AUTS2: variants seen among roughly 807,000 people sequenced by gnomAD.
AUTS2 encodes the protein activator of transcription and developmental regulator AUTS2.
A neutral mutation model predicts 112.4 loss-of-function variants in AUTS2; 17 were observed. The ratio of observed to expected loss-of-function variants is 0.15; its 90% CI spans 0.10 to 0.23. The LOEUF is 0.23. Among genes scored for constraint, AUTS2 ranks in the 10% least tolerant of loss-of-function variants. The pLI is 1.00. For missense variants in AUTS2, 1,510 were observed against 1,701.6 expected, an observed-to-expected ratio of 0.89 and a Z score of 1.98; for synonymous variants, 751 against 702.7, an observed-to-expected ratio of 1.07 and a Z score of -1.09.
chr7:70,110,964 C>T (rs956572487), intron 2 of AUTS2, among the ~76,000 whole-genome samples: 3 of 150,348 alleles, frequency 2.0e-5, no homozygotes, highest in Non-Finnish European at 4.4e-5. Context: ...CTCCGCCTCC[C>T]GGGTTCAGGC....
At chr7:69,896,710 C>G (rs1794756494) in intron 1 of AUTS2, among the ~76,000 whole-genome samples, 1 of 152,090 alleles carries the variant, frequency 6.6e-6, no homozygotes, top group South Asian at 2.1e-4. Flanking sequence ...TACTATTTGC[C>G]TGGTTTATGT....
At chr7:70,073,174 G>T (rs548434754) in intron 2 of AUTS2, among the ~76,000 whole-genome samples, 1 of 150,924 alleles carries the variant, frequency 6.6e-6, no homozygotes, top group African/African-American at 2.4e-5. Flanking sequence ...TGCCCAAAAG[G>T]TTCTAGCCAG....
chr7:70,147,890 G>A (rs1445447171), intron 4 of AUTS2, among the ~76,000 whole-genome samples: 1 of 151,698 alleles, frequency 6.6e-6, no homozygotes, highest in Non-Finnish European at 1.5e-5. Flanking sequence ...TCTGTCACCG[G>A]CAGTACCTGT....
intron 5 of AUTS2, among the ~76,000 whole-genome samples, chr7:70,689,775 C>CAA (rs60869776): frequency 1.1e-3 from 82 of 74,472 alleles, no homozygotes; most frequent in East Asian, 1.8e-3. Flanking sequence ...GACTCCGTCT[C>CAA]AAAAAAAAAA....
intron 2 of AUTS2, among the ~76,000 whole-genome samples, chr7:70,117,117 GT>G (rs60488343): frequency 0.037 from 2,726 of 73,060 alleles, 147 homozygotes; most frequent in African/African-American, 0.097. Context: ...TTTTTTTTTT[GT>G]TTTTTTTTGT....
rs1421236397 is a variant in AUTS2 at position 70,790,837 on chromosome 7, C to A, written c.3621C>A (p.Leu1207=). 4 of 1,607,368 alleles carry A rather than the reference C, an allele frequency of 2.5e-6. No individual in the cohort carries two copies. Among genetic ancestry groups the A allele is most frequent in the Non-Finnish European group, 3.4e-6 (4 of 1,176,424 alleles). ...CCACCGCGGGCAACCAGAACGGACT[C>A]CTCAACAAGACCCCTCCGACAGCAG... ...ISPTAGNQNG[L]LNKTPPTAAL... The change falls in exon 19 of 19, where the codon CTC becomes CTA. Residue 1207 remains leucine (L), a synonymous_variant. Transcript: ENST00000342771. This position sits in a 1 kb window ranked among gnomAD's most constrained non-coding sequence, Gnocchi z 7.6.
At chr7:70,379,949 G>A (rs1194562468) in intron 4 of AUTS2, among the ~76,000 whole-genome samples, 5 of 152,134 alleles carry the variant, frequency 3.3e-5, no homozygotes, top group African/African-American at 7.2e-5. Context: ...AAAATATTTC[G>A]ATCAGGTGCA....
intron 2 of AUTS2, among the ~76,000 whole-genome samples, chr7:69,975,529 CTG>C (rs1798019195): frequency 6.6e-6 from 1 of 151,976 alleles, no homozygotes; most frequent in South Asian, 2.1e-4. Context: ...ACCTGATACT[CTG>C]TTTTTTGTTG....
At chr7:70,604,866 C>G (rs1803650114) in intron 5 of AUTS2, among the ~76,000 whole-genome samples, 1 of 152,144 alleles carries the variant, frequency 6.6e-6, no homozygotes, top group Non-Finnish European at 1.5e-5. Flanking sequence ...GAGACTTAAC[C>G]CAGGAGTTTC....
intron 4 of AUTS2, chr7:70,194,910 C>CA (rs1456512457): frequency 6.6e-6 from 1 of 152,116 alleles, no homozygotes; most frequent in Non-Finnish European, 1.5e-5. Context: ...GGTGTTATCT[C>CA]AGACAGCACA....
At chr7:70,604,489 C>T (rs1183306299) in intron 5 of AUTS2, among the ~76,000 whole-genome samples, 1 of 152,248 alleles carries the variant, frequency 6.6e-6, no homozygotes, top group East Asian at 1.9e-4. Context: ...CAATGATCAA[C>T]ATGCTGTTGA....
intron 2 of AUTS2, among the ~76,000 whole-genome samples, chr7:69,948,773 CATTTATTTATTT>C (rs36128585): frequency 0.082 from 12,011 of 147,064 alleles, 603 homozygotes; most frequent in African/African-American, 0.12. Flanking sequence ...AATTTTCTTT[CATTTATTTATTT>C]ATTTATTTAT....
chr7:70,139,915 C>G (rs538266111), intron 4 of AUTS2, among the ~76,000 whole-genome samples: 1 of 152,098 alleles, frequency 6.6e-6, no homozygotes. Context: ...GCAGGAGAAT[C>G]ACTTGAACCT....
intron 6 of AUTS2, among the ~76,000 whole-genome samples, chr7:70,746,096 C>A (rs2129554734): frequency 6.6e-6 from 1 of 152,282 alleles, no homozygotes; most frequent in South Asian, 2.1e-4. Flanking sequence ...AGAAATCATT[C>A]CTCAAAAAAG....
intron 2 of AUTS2, among the ~76,000 whole-genome samples, chr7:70,091,614 T>A (rs925524334): frequency 1.3e-5 from 2 of 152,184 alleles, no homozygotes. Flanking sequence ...GGAAGCCAGG[T>A]ACTAAACCAC....
intron 6 of AUTS2, among the ~76,000 whole-genome samples, chr7:70,713,801 C>G (rs983312070): frequency 1.3e-5 from 2 of 151,858 alleles, no homozygotes; most frequent in Non-Finnish European, 2.9e-5. Flanking sequence ...GAGGCTGAGG[C>G]AGGAGAATGG....
At chr7:70,056,300 T>C (rs1038430994) in intron 2 of AUTS2, among the ~76,000 whole-genome samples, 3 of 152,214 alleles carry the variant, frequency 2.0e-5, no homozygotes, top group Non-Finnish European at 2.9e-5. Context: ...TTTGCAATTT[T>C]TACTTTTATA....
In AUTS2 at chr7:70,764,729, T is replaced by C. The variant is rs67892322; in HGVS notation, c.1215-23T>C. 72,852 of 720,594 alleles carry C rather than the reference T, an allele frequency of 0.1. 4,398 individuals are homozygous for C. The highest frequency in any genetic ancestry group is 0.18 in the East Asian group (6,753 of 37,268). The allele number at this position is 720,594 out of a possible 1,614,324, so 44.6% of individuals were successfully genotyped here. On this transcript the variant is annotated intron_variant, in intron 7 of 18. Transcript: ENST00000342771. Reference sequence around the variant, plus strand: ...CTTACCTTTTTTTATTTTTTTCTTTTCTTTTTTTTCTTGTTCCGATAGCAG... The same window carrying C: ...CTTACCTTTTTTTATTTTTTTCTTTCCTTTTTTTTCTTGTTCCGATAGCAG...
At chr7:70,125,078 A>G (rs1007474732) in intron 3 of AUTS2, among the ~76,000 whole-genome samples, 2 of 151,610 alleles carry the variant, frequency 1.3e-5, no homozygotes, top group Admixed American at 6.6e-5. Context: ...ACCTGTTTCT[A>G]TTGGTTGTTT....
Sources: gnomAD v4.1 joint callset for allele counts (sites outside exome capture counted in the v4.1 genomes callset) on GRCh38, gnomAD v4.1.1 for gene constraint, Gnocchi (gnomAD v3.1) non-coding constraint, MANE v1.5 for transcripts, NCBI Gene and HGNC (gene_info 2026-07-23, HGNC 2026-07-21) for gene names.